Variants in DPF3 observed in about 807,000 individuals in gnomAD.
DPF3 encodes double PHD fingers 3, also known as zinc finger protein DPF3.
In DPF3, 18 loss-of-function variants were observed where a neutral mutation model predicts 56.8. That is an observed-to-expected ratio of 0.32 (90% CI 0.22 to 0.47). The LOEUF (loss-of-function observed/expected upper bound fraction) is 0.47, where lower values mean the gene tolerates loss of function less well. Among genes scored for constraint, DPF3 ranks in the 20% least tolerant of loss-of-function variants. DPF3 has a pLI of 1.00. For synonymous variants in DPF3, 188 were observed against 180.2 expected, an observed-to-expected ratio of 1.04 and a Z score of -0.35; for missense variants, 403 against 488.8, an observed-to-expected ratio of 0.82 and a Z score of 1.65.
At chr14:72,825,079 G>T (rs550868933) in intron 1 of DPF3, among the ~76,000 whole-genome samples, 1 of 152,010 alleles carries the variant, frequency 6.6e-6, no homozygotes, top group African/African-American at 2.4e-5. Flanking sequence ...GTAAAGATGG[G>T]GTTTCACCAT....
chr14:72,657,906 G>A (rs1886101850), intron 8 of DPF3, among the ~76,000 whole-genome samples: 1 of 152,104 alleles, frequency 6.6e-6, no homozygotes, highest in African/African-American at 2.4e-5. Flanking sequence ...CATTATAAAT[G>A]ATAAGGCAAA....
At chr14:72,645,422 C>G (rs2153568097) in intron 8 of DPF3, among the ~76,000 whole-genome samples, 1 of 152,174 alleles carries the variant, frequency 6.6e-6, no homozygotes, top group South Asian at 2.1e-4. Flanking sequence ...TCCTCAGCAT[C>G]CACGTCCCCC....
Position 72,686,099 on chromosome 14 carries a change from G to A in DPF3, c.742+6977C>T, listed in dbSNP as rs973197760. On this transcript the variant is annotated intron_variant, in intron 7 of 10. Transcript: ENST00000556509. ...TAAGTGCTTAATAAATATTCATAAT[G>A]AGCCTGTTCAGAAGGATCTGTGTCC... 4.6e-5 allele frequency among the ~76,000 whole-genome samples: 7 copies of A among 152,194 alleles called. 1 individual carries two copies. In the South Asian group the frequency reaches 8.3e-4, roughly 18 times the overall value.
At position 72,617,516 on chromosome 14, in the gene DPF3, T is replaced by C. The variant is rs1274921854; in HGVS notation, c.*1781A>G. On this transcript the variant is annotated 3_prime_UTR_variant, in exon 11 of 11. Transcript: ENST00000556509. Reference sequence around the variant, plus strand: ...ACTTATGAGGAAGATGAAAATTCCATCCGGTCGGGGGCCCTTTAAATGAGA... The same window carrying C: ...ACTTATGAGGAAGATGAAAATTCCACCCGGTCGGGGGCCCTTTAAATGAGA... Among the ~76,000 whole-genome samples the C allele has an allele frequency of 6.6e-6, 1 of 152,172 alleles. No homozygotes were observed. Among genetic ancestry groups the C allele is most frequent in the East Asian group, 1.9e-4 (1 of 5,184 alleles).
At chr14:72,818,410 T>C (rs1384981457) in intron 1 of DPF3, among the ~76,000 whole-genome samples, 1 of 152,138 alleles carries the variant, frequency 6.6e-6, no homozygotes, top group African/African-American at 2.4e-5. Context: ...CTGGGTGTGG[T>C]GGCTCATACC....
chr14:72,784,213 C>T (rs930527242), intron 1 of DPF3, among the ~76,000 whole-genome samples: 2 of 152,114 alleles, frequency 1.3e-5, no homozygotes, highest in Non-Finnish European at 2.9e-5. Flanking sequence ...TCAGACCTGC[C>T]ATTTTTGGAG....
chr14:72,640,462 C>T (rs1378082258), intron 8 of DPF3, among the ~76,000 whole-genome samples: 1 of 152,158 alleles, frequency 6.6e-6, no homozygotes, highest in Non-Finnish European at 1.5e-5. Context: ...GTGATAGATG[C>T]TGAGCAATGG....
intron 3 of DPF3, among the ~76,000 whole-genome samples, chr14:72,733,849 G>A (rs1889776841): frequency 6.6e-6 from 1 of 152,210 alleles, no homozygotes; most frequent in Admixed American, 6.5e-5. Flanking sequence ...GAAGCGGCAA[G>A]CGGGCATCCA....
intron 1 of DPF3, among the ~76,000 whole-genome samples, chr14:72,891,407 T>G (rs1365403117): frequency 6.6e-6 from 1 of 150,874 alleles, no homozygotes; most frequent in Non-Finnish European, 1.5e-5. Context: ...GAGGGACACA[T>G]GAGGATAAAA....
chr14:72,773,961 T>C (rs1375194057), intron 1 of DPF3: 3 of 455,138 alleles, frequency 6.6e-6, no homozygotes, highest in African/African-American at 2.0e-5. Context: ...AATGCTGCTA[T>C]GAACATGAGT....
intron 3 of DPF3, among the ~76,000 whole-genome samples, chr14:72,747,625 CAAAA>C (rs1030427221): frequency 1.3e-5 from 1 of 77,590 alleles, no homozygotes; most frequent in Admixed American, 1.2e-4. Flanking sequence ...CCCGTCTCTA[CAAAA>C]AAAAAAAAAA....
chr14:72,714,153 ACAGGAGGCATGG>A (rs1377394674), intron 6 of DPF3, among the ~76,000 whole-genome samples: 2 of 152,214 alleles, frequency 1.3e-5, no homozygotes, highest in African/African-American at 4.8e-5. Flanking sequence ...GGAGAGCCAC[ACAGGAGGCATGG>A]CAGGAGGTGG....
intron 8 of DPF3, chr14:72,662,706 G>A: frequency 1.0e-6 from 1 of 988,888 alleles, no homozygotes; most frequent in Non-Finnish European, 1.2e-6. Flanking sequence ...ACGCACAGGA[G>A]GGGGCTGGGC....
At chr14:72,668,238 C>CCAATG (rs1413102067) in intron 8 of DPF3, among the ~76,000 whole-genome samples, 53 of 152,346 alleles carry the variant, frequency 3.5e-4, no homozygotes, top group African/African-American at 1.3e-3. Flanking sequence ...ACATTTCCCT[C>CCAATG]CAATGCAATG....
At chr14:72,655,603 T>C (rs1886041162) in intron 8 of DPF3, among the ~76,000 whole-genome samples, 1 of 152,228 alleles carries the variant, frequency 6.6e-6, no homozygotes, top group South Asian at 2.1e-4. Flanking sequence ...TTCACATACT[T>C]GGCATTTCTC....
At chr14:72,727,401 C>A (rs1361709021) in intron 4 of DPF3, among the ~76,000 whole-genome samples, 1 of 152,106 alleles carries the variant, frequency 6.6e-6, no homozygotes, top group East Asian at 1.9e-4. Flanking sequence ...TGTGGTGAAA[C>A]CCCGTTTCTA....
chr14:72,746,642 G>A (rs1238835493), intron 3 of DPF3, among the ~76,000 whole-genome samples: 1 of 152,242 alleles, frequency 6.6e-6, no homozygotes, highest in African/African-American at 2.4e-5. Flanking sequence ...CTGCCTTGGG[G>A]GAACCCAACT....
At chr14:72,710,720 A>G (rs1649797377) in intron 6 of DPF3, among the ~76,000 whole-genome samples, 1 of 152,242 alleles carries the variant, frequency 6.6e-6, no homozygotes, top group African/African-American at 2.4e-5. Context: ...AGACTTTTCC[A>G]CAATGTCCTA....
chr14:72,702,402 T>C (rs537442100), intron 6 of DPF3, among the ~76,000 whole-genome samples: 2 of 152,082 alleles, frequency 1.3e-5, no homozygotes, highest in East Asian at 3.9e-4. Flanking sequence ...TCTCCCCTGC[T>C]CCTTGGAGCT....
Sources: allele counts gnomAD v4.1 joint callset (sites outside exome capture counted in the v4.1 genomes callset), GRCh38; gene constraint gnomAD v4.1.1; transcripts MANE v1.5; gene names NCBI Gene and HGNC (gene_info 2026-07-23, HGNC 2026-07-21).